FNBP1L: variants seen among roughly 807,000 people sequenced by gnomAD.
FNBP1L encodes formin binding protein 1 like, also known as formin-binding protein 1-like.
A neutral mutation model predicts 91.2 loss-of-function variants in FNBP1L; 36 were observed. That is an observed-to-expected ratio of 0.39 (90% CI 0.30 to 0.52). FNBP1L has a LOEUF of 0.52. FNBP1L is among the 20% of genes least tolerant of loss of function. FNBP1L has a pLI of 0.66. For missense variants in FNBP1L, 571 were observed against 732.1 expected (o/e 0.78, Z 2.54); for synonymous variants, 242 against 237.0 (o/e 1.02, Z -0.19).
intron 2 of FNBP1L, among the ~76,000 whole-genome samples, chr1:93,503,831 ATATG>A (rs1670517924): frequency 6.6e-6 from 1 of 152,208 alleles, no homozygotes; most frequent in Non-Finnish European, 1.5e-5. Context: ...GGAGCCATAT[ATATG>A]TGATAAGTTT....
chr1:93,479,562 AAGAC>A (rs1669618147), intron 1 of FNBP1L, among the ~76,000 whole-genome samples: 1 of 152,164 alleles, frequency 6.6e-6, no homozygotes, highest in Non-Finnish European at 1.5e-5. Flanking sequence ...GAAAGGCTCT[AAGAC>A]AGGCACTCCC....
intron 1 of FNBP1L, among the ~76,000 whole-genome samples, chr1:93,469,173 T>C (rs1669197193): frequency 6.6e-6 from 1 of 152,136 alleles, no homozygotes; most frequent in Admixed American, 6.5e-5. Context: ...GCCATGTTGG[T>C]TTGCTGCACC....
chr1:93,522,813 C>T (rs542623945), intron 3 of FNBP1L, among the ~76,000 whole-genome samples: 1 of 152,250 alleles, frequency 6.6e-6, no homozygotes, highest in South Asian at 2.1e-4. Context: ...CCTTCCCTCA[C>T]ACACGTTTTT....
chr1:93,505,977 C>G (rs1670597095), intron 2 of FNBP1L, among the ~76,000 whole-genome samples: 1 of 152,120 alleles, frequency 6.6e-6, no homozygotes, highest in Non-Finnish European at 1.5e-5. Context: ...ATGCCTGGCC[C>G]AGCTTCATTC....
chr1:93,480,992 G>GA (rs375975289), intron 1 of FNBP1L, among the ~76,000 whole-genome samples: 114 of 149,702 alleles, frequency 7.6e-4, no homozygotes, highest in Admixed American at 4.2e-3. Context: ...GTAGAATTAT[G>GA]AAAAAAAAAA....
chr1:93,450,694 C>T (rs1013322061), intron 1 of FNBP1L, among the ~76,000 whole-genome samples: 2 of 152,180 alleles, frequency 1.3e-5, no homozygotes, highest in Non-Finnish European at 2.9e-5. Context: ...GATTTAGAAA[C>T]CAGTTCTCCT....
chr1:93,486,442 GA>G (rs1297570310), intron 1 of FNBP1L, among the ~76,000 whole-genome samples: 1 of 147,352 alleles, frequency 6.8e-6, no homozygotes, highest in Admixed American at 6.7e-5. Context: ...CTCTGTAGCA[GA>G]ATACTTTTTT....
At chr1:93,459,131 C>T (rs1326036027) in intron 1 of FNBP1L, among the ~76,000 whole-genome samples, 1 of 152,128 alleles carries the variant, frequency 6.6e-6, no homozygotes, top group Non-Finnish European at 1.5e-5. Context: ...AGAAATTAGC[C>T]AGGTGTGGTG....
At chr1:93,535,786 C>A (rs1368118011) in intron 9 of FNBP1L, among the ~76,000 whole-genome samples, 2 of 149,930 alleles carry the variant, frequency 1.3e-5, no homozygotes, top group East Asian at 3.9e-4. Flanking sequence ...ATCGAGGTAG[C>A]TAGAAGAGCT....
At chr1:93,502,692 A>G (rs1670477176) in intron 2 of FNBP1L, among the ~76,000 whole-genome samples, 1 of 152,232 alleles carries the variant, frequency 6.6e-6, no homozygotes, top group Non-Finnish European at 1.5e-5. Flanking sequence ...TTTATTATGT[A>G]CTGATGCTTT....
At chr1:93,539,863 G>A (rs1671972175) in intron 10 of FNBP1L, among the ~76,000 whole-genome samples, 1 of 152,060 alleles carries the variant, frequency 6.6e-6, no homozygotes, top group Admixed American at 6.6e-5. Flanking sequence ...TCAGAGATAA[G>A]GGGTAGATAT....
intron 4 of FNBP1L, 62 bp downstream of exon 4, chr1:93,523,553 T>C: frequency 2.1e-6 from 3 of 1,452,356 alleles, no homozygotes; most frequent in South Asian, 2.8e-5. Flanking sequence ...AGAAACACTT[T>C]GTTTTCTTTA....
chr1:93,515,912 A>G (rs1671086418), intron 2 of FNBP1L, among the ~76,000 whole-genome samples: 1 of 144,080 alleles, frequency 6.9e-6, no homozygotes, highest in Non-Finnish European at 1.5e-5. Context: ...CTTAAGGTAT[A>G]ATAATAATAA....
chr1:93,488,440 T>C (rs988100754), intron 1 of FNBP1L: 1 of 152,230 alleles, frequency 6.6e-6, no homozygotes, highest in Admixed American at 6.5e-5. Context: ...TCAGGGTTGG[T>C]GGGTCTGTGG....
chr1:93,536,185 AC>A (rs1333253555), intron 9 of FNBP1L, 146 bp from the exon 10 acceptor site: 1 of 518,074 alleles, frequency 1.9e-6, no homozygotes, highest in African/African-American at 2.0e-5. Context: ...TTTGGGCAAA[AC>A]TATGTTTACT....
At chr1:93,486,123 C>G (rs1669887088) in intron 1 of FNBP1L, among the ~76,000 whole-genome samples, 1 of 152,126 alleles carries the variant, frequency 6.6e-6, no homozygotes. Context: ...ATGGCAGATG[C>G]AAAGAATTAC....
intron 1 of FNBP1L, among the ~76,000 whole-genome samples, chr1:93,454,786 TAAC>T (rs950553917): frequency 5.9e-5 from 9 of 152,182 alleles, no homozygotes; most frequent in Non-Finnish European, 7.3e-5. Context: ...CAATACAGCA[TAAC>T]AACTATTTAC....
At chr1:93,463,069 T>A (rs1393592414) in intron 1 of FNBP1L, among the ~76,000 whole-genome samples, 1 of 152,186 alleles carries the variant, frequency 6.6e-6, no homozygotes, top group African/African-American at 2.4e-5. Flanking sequence ...CTTCATTAGT[T>A]TTTTTGCTCA....
intron 1 of FNBP1L, among the ~76,000 whole-genome samples, chr1:93,480,331 T>C (rs572685024): frequency 1.1e-4 from 16 of 152,356 alleles, no homozygotes; most frequent in Non-Finnish European, 2.4e-4. Context: ...CTGTTGTCTT[T>C]TTCTTGCCAT....
Sources: allele counts gnomAD v4.1 joint callset (sites outside exome capture counted in the v4.1 genomes callset), GRCh38; gene constraint gnomAD v4.1.1; transcripts MANE v1.5; gene names NCBI Gene and HGNC (gene_info 2026-07-23, HGNC 2026-07-21).